FRMD4B: variants seen among roughly 807,000 people sequenced by gnomAD.
FRMD4B encodes the protein FERM domain containing 4B, also known as FERM domain-containing protein 4B.
Under a neutral mutation model 141.5 loss-of-function variants are expected in FRMD4B, and 74 were observed. The ratio of observed to expected loss-of-function variants is 0.52; its 90% confidence interval spans 0.43 to 0.63. The LOEUF (loss-of-function observed/expected upper bound fraction) is 0.63. FRMD4B is among the 30% of genes least tolerant of loss of function. FRMD4B has a pLI of 0.00. For missense variants in FRMD4B, 1,366 were observed against 1,253.4 expected (o/e 1.09, Z -1.36); for synonymous variants, 506 against 467.9 (o/e 1.08, Z -1.05).
At chr3:69,535,767 C>T in intron 1 of FRMD4B, 3 of 469,256 alleles carry the variant, frequency 6.4e-6, no homozygotes, top group Non-Finnish European at 4.4e-6. Flanking sequence ...GGTGTGCAGG[C>T]ACCACCTTGG....
chr3:69,389,765 C>A (rs753605783), upstream of FRMD4B, among the ~76,000 whole-genome samples: 90 of 152,152 alleles, frequency 5.9e-4, no homozygotes, highest in Non-Finnish European at 4.7e-4. Context: ...AAGTGCTACC[C>A]AAGTATGGCA....
chr3:69,246,991 T>C (rs546405464), intron 7 of FRMD4B, among the ~76,000 whole-genome samples: 2 of 152,306 alleles, frequency 1.3e-5, no homozygotes, highest in African/African-American at 4.8e-5. Context: ...TTTCTTTTTC[T>C]ATTCTCCACC....
intron 7 of FRMD4B, among the ~76,000 whole-genome samples, chr3:69,231,513 C>T (rs1000849369): frequency 6.6e-6 from 1 of 152,228 alleles, no homozygotes; most frequent in Non-Finnish European, 1.5e-5. Context: ...TTCTCGAACT[C>T]GTGACCTCAG....
rs116574279 is a variant in FRMD4B, at chr3:69,292,723, A to G, written c.417-4887T>C. 7.1e-3 allele frequency among the ~76,000 whole-genome samples: 1,073 copies of G among 152,170 alleles called. 6 individuals carry two copies. Among genetic ancestry groups the G allele is most frequent in the Non-Finnish European group, 0.012 (832 of 68,014 alleles). On this transcript the variant is annotated intron_variant, in intron 4 of 22. Transcript: ENST00000398540. ...GGAAAATGGCTCTTCAGGCACACCT[A>G]TCAACACAAACCATGAACTGAAAAC...
chr3:69,328,601 G>C (rs1232849931), intron 1 of FRMD4B, among the ~76,000 whole-genome samples: 2 of 152,158 alleles, frequency 1.3e-5, no homozygotes, highest in African/African-American at 4.8e-5. Context: ...TAAAGACTCA[G>C]CTGATAAAAC....
chr3:69,405,932 A>G (rs1192321314), intron 2 of FRMD4B, among the ~76,000 whole-genome samples: 1 of 152,134 alleles, frequency 6.6e-6, no homozygotes, highest in Non-Finnish European at 1.5e-5. Flanking sequence ...AATATTTTGC[A>G]TTTTCAATGA....
chr3:69,262,001 CTG>C (rs1346437659), intron 5 of FRMD4B, among the ~76,000 whole-genome samples: 2 of 152,030 alleles, frequency 1.3e-5, no homozygotes, highest in Non-Finnish European at 2.9e-5. Flanking sequence ...GAGTCTCACT[CTG>C]TCACCCAGGC....
At chr3:69,408,027 T>C (rs980347085) in intron 2 of FRMD4B, among the ~76,000 whole-genome samples, 1 of 152,176 alleles carries the variant, frequency 6.6e-6, no homozygotes, top group African/African-American at 2.4e-5. Flanking sequence ...CAATTGTAGC[T>C]ACTTAACTCT....
chr3:69,413,943 G>A (rs1704805125), intron 2 of FRMD4B, among the ~76,000 whole-genome samples: 1 of 152,150 alleles, frequency 6.6e-6, no homozygotes, highest in Non-Finnish European at 1.5e-5. Context: ...GTCATTCCAT[G>A]CCTTTGGGGA....
intron 10 of FRMD4B, among the ~76,000 whole-genome samples, chr3:69,217,572 A>G (rs1379337734): frequency 6.6e-6 from 1 of 152,210 alleles, no homozygotes; most frequent in Non-Finnish European, 1.5e-5. Flanking sequence ...CAGTGAGCTG[A>G]GATCACGCCA....
At chr3:69,298,611 G>A (rs1466538235) in intron 4 of FRMD4B, among the ~76,000 whole-genome samples, 2 of 152,146 alleles carry the variant, frequency 1.3e-5, no homozygotes, top group Non-Finnish European at 2.9e-5. Flanking sequence ...CCAGGGGCTG[G>A]TACACACCAG....
chr3:69,497,937 A>C (rs1404193110), intron 1 of FRMD4B, among the ~76,000 whole-genome samples: 1 of 152,202 alleles, frequency 6.6e-6, no homozygotes, highest in Non-Finnish European at 1.5e-5. Flanking sequence ...GGTAGAGTCC[A>C]AGGTGAGCCT....
At chr3:69,535,011 C>T (rs1170541515) in intron 1 of FRMD4B, among the ~76,000 whole-genome samples, 2 of 152,224 alleles carry the variant, frequency 1.3e-5, no homozygotes, top group African/African-American at 4.8e-5. Flanking sequence ...ATTTACTCCA[C>T]AGCAGTCACT....
intron 4 of FRMD4B, among the ~76,000 whole-genome samples, chr3:69,298,469 G>A (rs777400521): frequency 6.6e-6 from 1 of 152,172 alleles, no homozygotes. Flanking sequence ...GCCAGAGTGA[G>A]TCTGTTTAAA....
At chr3:69,311,803 C>T (rs1267210410) in intron 2 of FRMD4B, among the ~76,000 whole-genome samples, 3 of 151,908 alleles carry the variant, frequency 2.0e-5, no homozygotes, top group African/African-American at 7.3e-5. Flanking sequence ...AGCTGTGGGG[C>T]TACTGATGAA....
chr3:69,214,137 G>T (rs1044397126), intron 11 of FRMD4B, among the ~76,000 whole-genome samples: 1 of 152,154 alleles, frequency 6.6e-6, no homozygotes, highest in East Asian at 1.9e-4. Context: ...GGGGAAAAGA[G>T]GGGGTTTTAT....
At chr3:69,438,677 CT>C (rs1705297562) in intron 1 of FRMD4B, among the ~76,000 whole-genome samples, 2 of 152,164 alleles carry the variant, frequency 1.3e-5, no homozygotes, top group Admixed American at 1.3e-4. Context: ...GTCACACACT[CT>C]TGGAGTTCAA....
At chr3:69,317,133 T>C (rs1701827916) in intron 1 of FRMD4B, among the ~76,000 whole-genome samples, 1 of 152,212 alleles carries the variant, frequency 6.6e-6, no homozygotes, top group South Asian at 2.1e-4. Flanking sequence ...AACTCCCTCA[T>C]ATTAGTCAAT....
chr3:69,373,659 G>C (rs972117687), intron 1 of FRMD4B, among the ~76,000 whole-genome samples: 1 of 152,046 alleles, frequency 6.6e-6, no homozygotes, highest in African/African-American at 2.4e-5. Flanking sequence ...GATTGCTTGA[G>C]GGCAGGATTT....
Sources: gnomAD v4.1 joint callset for allele counts (sites outside exome capture counted in the v4.1 genomes callset) on GRCh38, gnomAD v4.1.1 for gene constraint, MANE v1.5 for transcripts, NCBI Gene and HGNC (gene_info 2026-07-23, HGNC 2026-07-21) for gene names.